KRIT1: variants seen among roughly 807,000 people sequenced by gnomAD.
KRIT1 encodes the protein KRIT1 ankyrin repeat containing, also known as krev interaction trapped protein 1.
Under a neutral mutation model 95.8 loss-of-function variants are expected in KRIT1, and 45 were observed. That is an observed-to-expected ratio of 0.47 (90% CI 0.37 to 0.60). KRIT1 has a LOEUF of 0.60. Ranked by LOEUF, KRIT1 falls within the 20% of genes least tolerant of loss-of-function variation. The pLI is 0.00. For missense variants in KRIT1, 788 were observed against 877.5 expected (o/e 0.90, Z 1.29); for synonymous variants, 282 against 278.8 (o/e 1.01, Z -0.11).
chr7:92,237,764 T>C lies in KRIT1; in HGVS notation c.263-5A>G, dbSNP rs1435234393. The stretch of plus-strand genomic sequence containing the variant: ...TCATTAGTACAACTCGTTTTCCTAA[T>C]CATTTTTAAAAAGTTAGCAAAACAA... On this transcript the variant is annotated splice_polypyrimidine_tract_variant and splice_region_variant and intron_variant, in intron 5 of 18. Coordinates refer to ENST00000394505, the MANE Select transcript of KRIT1 (RefSeq NM_194454.3). The C allele has an allele frequency of 6.5e-7, 1 of 1,533,984 alleles. No homozygotes were observed. Among genetic ancestry groups the C allele is most frequent in the Admixed American group, 1.7e-5 (1 of 59,812 alleles).
intron 17 of KRIT1, among the ~76,000 whole-genome samples, chr7:92,211,779 T>G (rs1270395727): frequency 1.3e-5 from 2 of 152,100 alleles, no homozygotes; most frequent in East Asian, 3.8e-4. Flanking sequence ...CTCATAAATA[T>G]GTACAACTAC....
intron 4 of KRIT1, among the ~76,000 whole-genome samples, 181 bp from the exon 5 acceptor site, chr7:92,241,333 T>TA (rs1191841669): frequency 6.6e-6 from 1 of 152,212 alleles, no homozygotes; most frequent in Non-Finnish European, 1.5e-5. Context: ...GCCTGGTTCT[T>TA]ACAGTTTTAA....
At chr7:92,233,567 C>T (rs373354099) in intron 10 of KRIT1, among the ~76,000 whole-genome samples, 9 of 151,820 alleles carry the variant, frequency 5.9e-5, no homozygotes, top group Admixed American at 1.3e-4. Context: ...CCACCACGCC[C>T]GGCTAATTTT....
chr7:92,234,640 T>A, intron 9 of KRIT1, 48 bp from the exon 10 acceptor site: 1 of 1,543,796 alleles, frequency 6.5e-7, no homozygotes, highest in Non-Finnish European at 9.0e-7. Context: ...ACTGTAAAAA[T>A]TGTTTCAAAA....
intron 17 of KRIT1, 200 bp from the exon 18 acceptor site, chr7:92,201,623 T>C: frequency 1.9e-6 from 1 of 522,838 alleles, no homozygotes; most frequent in East Asian, 3.5e-5. Flanking sequence ...GCCATGGTGG[T>C]TTGCTGCACC....
In KRIT1 at chr7:92,235,654, A is replaced by T; in HGVS notation, c.486-8T>A. The stretch of plus-strand genomic sequence containing the variant: ...TGACGTTCATCTAACCACCTGGCAA[A>T]ATAAAAAAACAGGTAGAAGTAGCCA... On this transcript the variant is annotated splice_region_variant and splice_polypyrimidine_tract_variant and intron_variant, in intron 7 of 18. Coordinates refer to ENST00000394505, the MANE Select transcript of KRIT1 (RefSeq NM_194454.3). The T allele has an allele frequency of 6.2e-7, 1 of 1,613,608 alleles. No individual in the cohort carries two copies. Among genetic ancestry groups the T allele is most frequent in the South Asian group, 1.1e-5 (1 of 90,956 alleles).
At chr7:92,244,426 A>G (rs1421518256) in intron 2 of KRIT1, among the ~76,000 whole-genome samples, 1 of 152,250 alleles carries the variant, frequency 6.6e-6, no homozygotes, top group Non-Finnish European at 1.5e-5. Context: ...AACAAATGTG[A>G]TTTTAAAAAG....
intron 6 of KRIT1, 84 bp from the exon 7 acceptor site, chr7:92,236,626 T>C (rs1049543618): frequency 9.7e-6 from 9 of 931,644 alleles, no homozygotes; most frequent in African/African-American, 1.6e-5. Context: ...TGTTAGAAAA[T>C]GAAAACTTGT....
At chr7:92,225,668 T>C (rs1190005935) in intron 12 of KRIT1, 52 bp downstream of exon 12, 4 of 1,018,032 alleles carry the variant, frequency 3.9e-6, no homozygotes, top group East Asian at 2.4e-5. Context: ...CAAATTTAAA[T>C]CTTATTAATT....
At chr7:92,235,865 T>A in intron 7 of KRIT1, 1 of 441,956 alleles carries the variant, frequency 2.3e-6, no homozygotes, top group East Asian at 4.5e-5. Flanking sequence ...GTACATACTT[T>A]AGGGGCACAT....
chr7:92,216,446 C>A (rs1185043397), intron 14 of KRIT1, among the ~76,000 whole-genome samples: 1 of 151,404 alleles, frequency 6.6e-6, no homozygotes, highest in African/African-American at 2.4e-5. Flanking sequence ...AAAGCATGAG[C>A]CTTGACTAGA....
At chr7:92,202,658 C>T (rs182771384) in intron 17 of KRIT1, among the ~76,000 whole-genome samples, 81 of 152,152 alleles carry the variant, frequency 5.3e-4, no homozygotes, top group African/African-American at 8.4e-4. Flanking sequence ...GTCTGGGAGG[C>T]GGAGGTTGCA....
chr7:92,236,640 G>T, intron 6 of KRIT1, 98 bp from the exon 7 acceptor site: 2 of 837,926 alleles, frequency 2.4e-6, no homozygotes, highest in Non-Finnish European at 3.9e-6. Context: ...AACTTGTTAA[G>T]TATAAAATAA....
intron 12 of KRIT1, among the ~76,000 whole-genome samples, chr7:92,224,885 C>A (rs544705665): frequency 6.6e-6 from 1 of 152,050 alleles, no homozygotes; most frequent in East Asian, 1.9e-4. Flanking sequence ...TCAGGCTGGG[C>A]GTGGTGGTTC....
At chr7:92,221,387 C>T (rs1795107501) in intron 14 of KRIT1, among the ~76,000 whole-genome samples, 1 of 151,738 alleles carries the variant, frequency 6.6e-6, no homozygotes, top group Admixed American at 6.6e-5. Flanking sequence ...TGTACTGAGC[C>T]GAGATTGTGC....
intron 10 of KRIT1, among the ~76,000 whole-genome samples, chr7:92,231,199 A>G (rs536605084): frequency 6.6e-6 from 1 of 152,312 alleles, no homozygotes; most frequent in East Asian, 1.9e-4. Context: ...AGTTCTCTAC[A>G]AGGGGTTAAA....
chr7:92,245,806 T>C lies in KRIT1; in HGVS notation c.-437A>G, dbSNP rs756850196. 1.0e-4 allele frequency: 17 copies of C among 165,980 alleles called. No homozygotes were observed. In the South Asian group the frequency reaches 2.2e-3, roughly 21 times the overall value. The allele number at this position is 165,980 out of a possible 1,614,324, so 10.3% of individuals were successfully genotyped here. A position where few individuals can be genotyped will look rare whatever the true frequency, so the allele number is the denominator to read the frequency against. ...CCTGCCCACCTGCTCTTTACTGTCCTTCCCTCTCCTCGCACCTCAGCACCA... is the reference window on the plus strand; with the variant it reads ...CCTGCCCACCTGCTCTTTACTGTCCCTCCCTCTCCTCGCACCTCAGCACCA... On this transcript the variant is annotated 5_prime_UTR_variant, in exon 1 of 19. Coordinates refer to ENST00000394505, the MANE Select transcript of KRIT1 (RefSeq NM_194454.3).
At position 92,200,001 on chromosome 7, in the gene KRIT1, CAG is replaced by C. The variant is rs946110330; in HGVS notation, c.*733_*734del. On this transcript the variant is annotated 3_prime_UTR_variant, in exon 19 of 19. Transcript: ENST00000394505. ...GACTGCAGAAAACTGTTTTAAATAACAGTGTTATGTGGTTCAAGTAGAAAATA... is the reference window on the plus strand; with the variant it reads ...GACTGCAGAAAACTGTTTTAAATAACTGTTATGTGGTTCAAGTAGAAAATA... 58 of 152,540 alleles carry C rather than the reference CAG, an allele frequency of 3.8e-4. No homozygotes were observed. Among genetic ancestry groups the C allele is most frequent in the African/African-American group, 1.3e-3 (55 of 41,436 alleles). The allele number at this position is 152,540 out of a possible 1,614,324, so 9.4% of individuals were successfully genotyped here.
In KRIT1 at chr7:92,244,930, T is replaced by C. The variant is rs1800551807; in HGVS notation, c.-179A>G. 2 of 152,256 alleles carry C rather than the reference T, an allele frequency of 1.3e-5. No homozygotes were observed. The highest frequency in any genetic ancestry group is 2.1e-4 in the South Asian group (1 of 4,810). 9.4% of individuals were successfully genotyped at this position (152,256 alleles called of 1,614,324 possible). On this transcript the variant is annotated 5_prime_UTR_variant, in exon 2 of 19. An upstream start codon of the reference 5' UTR is lost. Transcript: ENST00000394505. ...GGATCACTGGAAAATATGGAGGGCA[T>C]TTCTGGTTGTCACTATGACTGATGA...
Sources: gnomAD v4.1 joint callset for allele counts (sites outside exome capture counted in the v4.1 genomes callset) on GRCh38, gnomAD v4.1.1 for gene constraint, MANE v1.5 for transcripts, NCBI Gene and HGNC (gene_info 2026-07-23, HGNC 2026-07-21) for gene names.